The following PTPRC variants were observed in gnomAD, a reference collection of about 807,000 sequenced individuals.
PTPRC encodes receptor-type tyrosine-protein phosphatase C.
In PTPRC, 44 loss-of-function variants were observed where a neutral mutation model predicts 155.9. The observed-to-expected ratio is 0.28, with a 90% CI of 0.22 to 0.36. PTPRC has a LOEUF of 0.36. Ranked by LOEUF, PTPRC falls within the 10% of genes least tolerant of loss-of-function variation. PTPRC has a pLI of 1.00. For missense variants in PTPRC, 1,401 were observed against 1,564.6 expected (o/e 0.90, Z 1.76); for synonymous variants, 525 against 533.1 (o/e 0.98, Z 0.21).
rs959753300 is a variant in PTPRC, at chr1:198,692,083, C to T, written c.74-264C>T. On this transcript the variant is annotated intron_variant, in intron 2 of 32. Coordinates refer to ENST00000442510, the MANE Select transcript of PTPRC (RefSeq NM_002838.5). ...GTCTTTTGCAGGCTTGAAATTAATC[C>T]CAATAGTGATCCTTTAGTCTGTTAT... Among the ~76,000 whole-genome samples, 228 of 151,918 alleles carry T rather than the reference C, an allele frequency of 1.5e-3. 3 individuals carry two copies. Among genetic ancestry groups the T allele is most frequent in the Non-Finnish European group, 5.2e-4 (35 of 67,890 alleles).
intron 2 of PTPRC, among the ~76,000 whole-genome samples, chr1:198,651,360 T>G (rs777900037): frequency 9.9e-5 from 15 of 151,266 alleles, no homozygotes; most frequent in Non-Finnish European, 2.1e-4. Flanking sequence ...AAACTGAAAT[T>G]AAACCTTCCA....
At chr1:198,722,028 A>G (rs907538238) in intron 14 of PTPRC, among the ~76,000 whole-genome samples, 8 of 151,384 alleles carry the variant, frequency 5.3e-5, no homozygotes, top group Non-Finnish European at 1.0e-4. Context: ...TTTTATGCAT[A>G]ATTCTAGTAA....
At chr1:198,656,544 A>G (rs895253602) in intron 2 of PTPRC, among the ~76,000 whole-genome samples, 2 of 151,994 alleles carry the variant, frequency 1.3e-5, no homozygotes, top group African/African-American at 4.8e-5. Context: ...TGCACTGTGT[A>G]TGAGCTATGA....
intron 2 of PTPRC, among the ~76,000 whole-genome samples, chr1:198,665,614 C>T (rs1020431156): frequency 6.6e-6 from 1 of 152,176 alleles, no homozygotes; most frequent in Non-Finnish European, 1.5e-5. Flanking sequence ...ATATTTTCAT[C>T]CTGATCTCTT....
chr1:198,744,225 A>G, intron 26 of PTPRC, 22 bp downstream of exon 26: 1 of 1,584,242 alleles, frequency 6.3e-7, no homozygotes, highest in South Asian at 1.1e-5. Flanking sequence ...GACAACAATA[A>G]TAATAATTAC....
At chr1:198,723,112 C>CATATATATATAT (rs3033891) in intron 15 of PTPRC, among the ~76,000 whole-genome samples, 12 of 144,110 alleles carry the variant, frequency 8.3e-5, no homozygotes, top group African/African-American at 2.8e-4. Flanking sequence ...TAGTTTCCTT[C>CATATATATATAT]ATATATATAT....
intron 2 of PTPRC, among the ~76,000 whole-genome samples, chr1:198,650,029 A>G (rs1663161191): frequency 6.6e-6 from 1 of 151,794 alleles, no homozygotes; most frequent in Admixed American, 6.6e-5. Context: ...TGACAAGAAT[A>G]TGGGGATCCA....
rs1655682305 is a variant in PTPRC, at chr1:198,756,587, T to G, written c.*406T>G. On this transcript the variant is annotated 3_prime_UTR_variant, in exon 33 of 33. Coordinates refer to ENST00000442510, the MANE Select transcript of PTPRC (RefSeq NM_002838.5). ...AGAAGTGTTAACTTAGCTTGAAGGA[T>G]CTGTTTTTAAAAATCATAAACTGTG... The G allele has an allele frequency of 1.1e-5, 2 of 184,762 alleles. No homozygotes were observed. The highest frequency in any genetic ancestry group is 9.1e-5 in the South Asian group (1 of 11,026). 11.4% of individuals were successfully genotyped at this position (184,762 alleles called of 1,614,324 possible).
At chr1:198,708,050 A>T in intron 9 of PTPRC, 83 bp from the exon 10 acceptor site, 1 of 1,331,740 alleles carries the variant, frequency 7.5e-7, no homozygotes, top group Non-Finnish European at 1.1e-6. Context: ...CAGTGGCTTT[A>T]ACTGACATGT....
Position 198,697,973 on chromosome 1 carries a change from C to A in PTPRC, c.298+1064C>A, listed in dbSNP as rs1666285139. Among the ~76,000 whole-genome samples the A allele has an allele frequency of 2.6e-5, 4 of 152,126 alleles. No homozygotes were observed. The South Asian group carries it at 8.3e-4, about 32-fold the overall frequency. On this transcript the variant is annotated intron_variant, in intron 4 of 32. Coordinates refer to ENST00000442510, the MANE Select transcript of PTPRC (RefSeq NM_002838.5). ...TAGCAGAGTAGTAACTAGGACCTGT[C>A]TAAACACTGTAAAAATTTGAACACA...
chr1:198,675,006 C>T (rs1469090685), intron 2 of PTPRC, among the ~76,000 whole-genome samples: 7 of 152,100 alleles, frequency 4.6e-5, no homozygotes, highest in African/African-American at 1.7e-4. Context: ...ATCTTTAGTC[C>T]CCTAGGATTT....
At chr1:198,675,092 T>C (rs1419572464) in intron 2 of PTPRC, among the ~76,000 whole-genome samples, 1 of 152,190 alleles carries the variant, frequency 6.6e-6, no homozygotes, top group East Asian at 1.9e-4. Flanking sequence ...TGAGATGTTA[T>C]TCACAGTAAA....
rs146750736 is a variant in PTPRC at position 198,710,143 on chromosome 1, C to T, written c.1171+319C>T. Reference sequence around the variant, plus strand: ...TTTGTATATGGTGTGAGGTAACAGTCTAATTTCATTTTGTTGCATATGGCC... The same window carrying T: ...TTTGTATATGGTGTGAGGTAACAGTTTAATTTCATTTTGTTGCATATGGCC... On this transcript the variant is annotated intron_variant, in intron 11 of 32. Coordinates refer to ENST00000442510, the MANE Select transcript of PTPRC (RefSeq NM_002838.5). Among the ~76,000 whole-genome samples the T allele has an allele frequency of 2.7e-3, 412 of 152,266 alleles. 4 individuals are homozygous for T. Among genetic ancestry groups the T allele is most frequent in the African/African-American group, 9.1e-3 (377 of 41,558 alleles).
rs1653606416 is a variant in PTPRC at position 198,716,741 on chromosome 1, C to A, written c.1351C>A (p.Pro451Thr). The A allele has an allele frequency of 6.2e-7, 1 of 1,612,638 alleles. No homozygotes were observed. The highest frequency in any genetic ancestry group is 1.1e-5 in the South Asian group (1 of 91,010). The stretch of plus-strand genomic sequence containing the variant: ...CAAATATGATTTGCAAAATTTAAAA[C>A]CTTATACGAAATATGTTTTATCATT... ...LIKYDLQNLKPYTKYVLSLHA... is the reference protein window; with the variant it reads ...LIKYDLQNLKTYTKYVLSLHA... The change falls in exon 13 of 33, where the codon CCT becomes ACT. Residue 451 changes from proline to threonine, a missense_variant. This residue lies in a region of PTPRC where 867 missense variants were observed against 970.4 expected (regional missense o/e 0.89). Coordinates refer to ENST00000442510, the MANE Select transcript of PTPRC (RefSeq NM_002838.5).
At chr1:198,713,321 G>A (rs1653406376) in intron 12 of PTPRC, among the ~76,000 whole-genome samples, 1 of 152,162 alleles carries the variant, frequency 6.6e-6, no homozygotes, top group Non-Finnish European at 1.5e-5. Context: ...GTGCTCCAAA[G>A]CCTAGAGACA....
At chr1:198,723,788 C>T (rs1366539568) in intron 15 of PTPRC, among the ~76,000 whole-genome samples, 1 of 152,156 alleles carries the variant, frequency 6.6e-6, no homozygotes, top group African/African-American at 2.4e-5. Context: ...CACAGCAATC[C>T]AGCTACTTTT....
At chr1:198,728,118 C>G (rs1463577754) in intron 15 of PTPRC, among the ~76,000 whole-genome samples, 7 of 152,104 alleles carry the variant, frequency 4.6e-5, no homozygotes, top group Non-Finnish European at 8.8e-5. Flanking sequence ...TCTATTCTTA[C>G]TCTCCTTAAA....
At position 198,752,303 on chromosome 1, in the gene PTPRC, G is replaced by T; in HGVS notation, c.3262G>T (p.Val1088Phe). The change falls in exon 30 of 33, where the codon GTT becomes TTT. Residue 1088 changes from valine to phenylalanine, a missense_variant. Val to Phe is a conservative substitution (Grantham distance 50). This residue lies in a region of PTPRC where 400 missense variants were observed against 389.5 expected (regional missense o/e 1.03). Coordinates refer to ENST00000442510, the MANE Select transcript of PTPRC (RefSeq NM_002838.5). Reference sequence around the variant, plus strand: ...AAAGCAAACATATGGAGATATTGAAGTTGACCTGAAAGACACAGACAAATC... The same window carrying T: ...AAAGCAAACATATGGAGATATTGAATTTGACCTGAAAGACACAGACAAATC... ...EGKQTYGDIE[V>F]DLKDTDKSST... The T allele has an allele frequency of 7.4e-6, 12 of 1,612,050 alleles. No individual in the cohort carries two copies. The highest frequency in any genetic ancestry group is 9.3e-6 in the Non-Finnish European group (11 of 1,178,600).
chr1:198,699,700 C>T lies in PTPRC; in HGVS notation c.435C>T (p.Ile145=), dbSNP rs374618697. 38 of 1,614,100 alleles carry T rather than the reference C, an allele frequency of 2.4e-5. No individual in the cohort carries two copies. The highest frequency in any genetic ancestry group is 2.9e-5 in the Non-Finnish European group (34 of 1,180,036). ...ACCCTACCCCAGGCAGCAATGCTATCTCAGGTTTGCGGGTCCTTTAGACTT... is the reference window on the plus strand; with the variant it reads ...ACCCTACCCCAGGCAGCAATGCTATTTCAGGTTTGCGGGTCCTTTAGACTT... ...KLNPTPGSNA[I]SDVPGERSTA... Residue 145 remains isoleucine (I), a synonymous_variant, in exon 5 of 33, where the codon ATC becomes ATT. Transcript: ENST00000442510.
Sources: gnomAD v4.1 joint callset for allele counts (sites outside exome capture counted in the v4.1 genomes callset) on GRCh38, gnomAD v4.1.1 for gene constraint, gnomAD v4.1.1 regional missense constraint, MANE v1.5 for transcripts, NCBI Gene and HGNC (gene_info 2026-07-23, HGNC 2026-07-21) for gene names.